The following BPNT2 variants were observed in gnomAD, a reference collection of about 807,000 sequenced individuals.
BPNT2 encodes Golgi-resident adenosine 3',5'-bisphosphate 3'-phosphatase.
In BPNT2, 11 loss-of-function variants were observed where a neutral mutation model predicts 29.3. The observed-to-expected ratio is 0.38, with a 90% CI of 0.24 to 0.62. BPNT2 has a LOEUF of 0.62. Ranked by LOEUF, BPNT2 falls within the 20% of genes least tolerant of loss-of-function variation. BPNT2 has a pLI of 0.62. For synonymous variants in BPNT2, 195 were observed against 187.7 expected, an observed-to-expected ratio of 1.04 and a Z score of -0.32; for missense variants, 459 against 473.4, an observed-to-expected ratio of 0.97 and a Z score of 0.28.
In BPNT2 at chr8:56,993,550, C is replaced by A. The variant is rs1197999194; in HGVS notation, c.36G>T (p.Gly12=). The change falls in exon 1 of 5, where the codon GGG becomes GGT. Residue 12 remains glycine, a synonymous_variant. Coordinates refer to ENST00000262644, the MANE Select transcript of BPNT2 (RefSeq NM_017813.5). ...APMGIRLSPL[G]VAVFCLLGLG... is the part of the protein sequence containing the mutation. Reference sequence around the variant, plus strand: ...GCCCCAGCAGGCAAAACACTGCCACCCCCAGTGGGGAAAGGCGGATGCCCA... The same window carrying A: ...GCCCCAGCAGGCAAAACACTGCCACACCCAGTGGGGAAAGGCGGATGCCCA... 13 of 1,483,218 alleles carry A rather than the reference C, an allele frequency of 8.8e-6. No individual in the cohort carries two copies. Among genetic ancestry groups the A allele is most frequent in the Non-Finnish European group, 1.2e-5 (13 of 1,116,074 alleles). 91.9% of individuals were successfully genotyped at this position (1,483,218 alleles called of 1,614,324 possible).
intron 1 of BPNT2, among the ~76,000 whole-genome samples, chr8:56,985,563 T>C (rs943513322): frequency 6.6e-6 from 1 of 152,150 alleles, no homozygotes; most frequent in Non-Finnish European, 1.5e-5. Flanking sequence ...AGGGTAAGCA[T>C]AAAAAGGTTC....
rs1291955594 is a variant in BPNT2, at chr8:56,958,108, G to A, written c.*5685C>T. On this transcript the variant is annotated 3_prime_UTR_variant, in exon 5 of 5. Coordinates refer to ENST00000262644, the MANE Select transcript of BPNT2 (RefSeq NM_017813.5). ...TTTAAAAACAATTTAGTATGTGGGG[G>A]GGTGATAATCATAAATATTTGCAAA... The A allele has an allele frequency of 6.6e-6, 1 of 151,900 alleles. No homozygotes were observed. The highest frequency in any genetic ancestry group is 2.4e-5 in the African/African-American group (1 of 41,318). 9.4% of individuals were successfully genotyped at this position (151,900 alleles called of 1,614,324 possible).
chr8:56,988,698 G>C (rs1806365130), intron 1 of BPNT2, among the ~76,000 whole-genome samples: 1 of 152,132 alleles, frequency 6.6e-6, no homozygotes, highest in Non-Finnish European at 1.5e-5. Context: ...TTTCAGTTCA[G>C]ATGTTTCTTC....
intron 3 of BPNT2, among the ~76,000 whole-genome samples, chr8:56,973,598 G>T (rs979083258): frequency 2.0e-5 from 3 of 152,158 alleles, no homozygotes; most frequent in African/African-American, 7.2e-5. Context: ...TCAAGATAGG[G>T]ATCTTGGAGA....
rs575099183 is a variant in BPNT2, at chr8:56,977,678, T to A, written c.646+372A>T. ...AGTAGGGTGGGCGCTGAATCCAATA[T>A]GACTGGTGTGCTTGTAAGAGGAGAA... On this transcript the variant is annotated intron_variant, in intron 3 of 4. Coordinates refer to ENST00000262644, the MANE Select transcript of BPNT2 (RefSeq NM_017813.5). 7.9e-5 allele frequency among the ~76,000 whole-genome samples: 12 copies of A among 152,246 alleles called. No individual in the cohort carries two copies. The South Asian group carries it at 2.5e-3, about 31-fold the overall frequency.
intron 3 of BPNT2, among the ~76,000 whole-genome samples, chr8:56,970,972 A>C (rs1806021372): frequency 6.6e-6 from 1 of 152,176 alleles, no homozygotes; most frequent in South Asian, 2.1e-4. Context: ...TAAGAAGTGA[A>C]TTTACAGTGC....
chr8:56,959,769 A>G lies in BPNT2; in HGVS notation c.*4024T>C, dbSNP rs987076518. ...GGTTATGCAAAAATAATTTTATTTC[A>G]ATTTAATTTTAATGAATCTCCCCCA... On this transcript the variant is annotated 3_prime_UTR_variant, in exon 5 of 5. Coordinates refer to ENST00000262644, the MANE Select transcript of BPNT2 (RefSeq NM_017813.5). 1 of 152,298 alleles carries G rather than the reference A, an allele frequency of 6.6e-6. No individual in the cohort carries two copies. The highest frequency in any genetic ancestry group is 1.9e-4 in the East Asian group (1 of 5,186). The allele number at this position is 152,298 out of a possible 1,614,324, so 9.4% of individuals were successfully genotyped here. A position where few individuals can be genotyped will look rare whatever the true frequency, so the allele number is the denominator to read the frequency against.
At chr8:56,986,021 T>C (rs927515385) in intron 1 of BPNT2, among the ~76,000 whole-genome samples, 131 of 152,328 alleles carry the variant, frequency 8.6e-4, no homozygotes, top group African/African-American at 3.1e-3. Flanking sequence ...TAGGTCACAG[T>C]CACTACATGG....
At chr8:56,971,788 C>CA (rs200324392) in intron 3 of BPNT2, among the ~76,000 whole-genome samples, 2 of 145,274 alleles carry the variant, frequency 1.4e-5, no homozygotes, top group African/African-American at 5.1e-5. Context: ...TACCACCCCC[C>CA]CCCCCACAAT....
In BPNT2 at chr8:56,961,972, T is replaced by C. The variant is rs1278500558; in HGVS notation, c.*1821A>G. ...TTTCCCTAACTTTGACATACTATAATAAAAACAGATGCTTATACCACAGGA... is the reference window on the plus strand; with the variant it reads ...TTTCCCTAACTTTGACATACTATAACAAAAACAGATGCTTATACCACAGGA... On this transcript the variant is annotated 3_prime_UTR_variant, in exon 5 of 5. Transcript: ENST00000262644. 6.6e-6 allele frequency: 1 copy of C among 152,158 alleles called. No individual in the cohort carries two copies. Among genetic ancestry groups the C allele is most frequent in the Non-Finnish European group, 1.5e-5 (1 of 68,032 alleles). 9.4% of individuals were successfully genotyped at this position (152,158 alleles called of 1,614,324 possible).
In BPNT2 at chr8:56,992,986, G is replaced by C. The variant is rs548900071; in HGVS notation, c.387+213C>G. 4.5e-3 allele frequency among the ~76,000 whole-genome samples: 684 copies of C among 152,250 alleles called. 3 individuals are homozygous for C. The highest frequency in any genetic ancestry group is 8.2e-3 in the Non-Finnish European group (556 of 68,012). The stretch of plus-strand genomic sequence containing the variant: ...TACACACGGCGCACACCCGACCCAG[G>C]ACGAGCCAAAAGGGCACGGGCCCTG... On this transcript the variant is annotated intron_variant, in intron 1 of 4. Transcript: ENST00000262644.
At chr8:56,971,782 A>ACCGCC (rs545975380) in intron 3 of BPNT2, among the ~76,000 whole-genome samples, 2 of 104,172 alleles carry the variant, frequency 1.9e-5, no homozygotes, top group South Asian at 4.0e-4. Flanking sequence ...ATTTTGTACC[A>ACCGCC]CCCCCCCCCC....
Position 56,966,337 on chromosome 8 carries a change from T to C in BPNT2, c.662A>G (p.Asp221Gly). 1.2e-6 allele frequency: 2 copies of C among 1,613,930 alleles called. No individual in the cohort carries two copies. The highest frequency in any genetic ancestry group is 8.5e-7 in the Non-Finnish European group (1 of 1,179,866). The change falls in exon 4 of 5, where the codon GAT becomes GGT. Residue 221 changes from aspartate (D) to glycine (G), a missense_variant. Transcript: ENST00000262644. ...GCGGGCTTTCACATTTGAACCACCA[T>C]CTACCATTGCCCAAGCTGAAAAGCA... ...FSEYTAWAMVDGGSNVKARSS... is the reference protein window; with the variant it reads ...FSEYTAWAMVGGGSNVKARSS...
chr8:56,958,620 T>C lies in BPNT2; in HGVS notation c.*5173A>G, dbSNP rs1468738171. 1 of 152,230 alleles carries C rather than the reference T, an allele frequency of 6.6e-6. No homozygotes were observed. The highest frequency in any genetic ancestry group is 1.9e-4 in the East Asian group (1 of 5,198). 9.4% of individuals were successfully genotyped at this position (152,230 alleles called of 1,614,324 possible). ...CAGGATGACAAAAAATAAATAAAAG[T>C]ATGAAGAGGCAAGAACATAGATTGA... On this transcript the variant is annotated 3_prime_UTR_variant, in exon 5 of 5. Transcript: ENST00000262644.
Position 56,984,450 on chromosome 8 carries a change from ATCAG to A in BPNT2, c.388-4257_388-4254del, listed in dbSNP as rs375931426. On this transcript the variant is annotated intron_variant, in intron 1 of 4. Transcript: ENST00000262644. ...AATCCTTTCTCGCGTGCCACATCGA[ATCAG>A]TCAGTAAGTCCTGGAAATTCTACCT... is the stretch of plus-strand genomic sequence containing the variant. Among the ~76,000 whole-genome samples, 10 of 152,322 alleles carry A rather than the reference ATCAG, an allele frequency of 6.6e-5. No individual in the cohort carries two copies. In the South Asian group the frequency reaches 2.1e-3, roughly 32 times the overall value.
At chr8:56,986,081 G>A (rs772922844) in intron 1 of BPNT2, among the ~76,000 whole-genome samples, 12 of 152,258 alleles carry the variant, frequency 7.9e-5, no homozygotes, top group African/African-American at 2.2e-4. Flanking sequence ...GGAGGATGTC[G>A]TTACTACAGC....
Position 56,962,201 on chromosome 8 carries a change from G to A in BPNT2, c.*1592C>T, listed in dbSNP as rs1184253995. On this transcript the variant is annotated 3_prime_UTR_variant, in exon 5 of 5. Transcript: ENST00000262644. ...TAAGGCCCAACACCTTCTCGAATTT[G>A]ACCAGTTGCAAGAGATTGGGTGAAA... 3 of 152,160 alleles carry A rather than the reference G, an allele frequency of 2.0e-5. No homozygotes were observed. Among genetic ancestry groups the A allele is most frequent in the African/African-American group, 7.2e-5 (3 of 41,428 alleles). The allele number at this position is 152,160 out of a possible 1,614,324, so 9.4% of individuals were successfully genotyped here. A position where few individuals can be genotyped will look rare whatever the true frequency, so the allele number is the denominator to read the frequency against.
intron 1 of BPNT2, among the ~76,000 whole-genome samples, chr8:56,988,122 C>A (rs1806354996): frequency 6.6e-6 from 1 of 152,188 alleles, no homozygotes; most frequent in Non-Finnish European, 1.5e-5. Context: ...CAACTATTGT[C>A]TTTCAAATAT....
chr8:56,963,852 T>C lies in BPNT2; in HGVS notation c.1021A>G (p.Met341Val). The C allele has an allele frequency of 6.2e-7, 1 of 1,614,186 alleles. No individual in the cohort carries two copies. The highest frequency in any genetic ancestry group is 8.5e-7 in the Non-Finnish European group (1 of 1,180,022). ...TTTCTGACCAGGGCCTGGTGGTTCA[T>C]TCTGATGCTAGCAAGGAGTCCCCCT... ...IEGGLLASIR[M>V]NHQALVRKLP... The change falls in exon 5 of 5, where the codon ATG (methionine) becomes GTG (valine). Residue 341 changes from methionine to valine, a missense_variant. Coordinates refer to ENST00000262644, the MANE Select transcript of BPNT2 (RefSeq NM_017813.5).
Sources: gnomAD v4.1 joint callset for allele counts (sites outside exome capture counted in the v4.1 genomes callset) on GRCh38, gnomAD v4.1.1 for gene constraint, MANE v1.5 for transcripts, NCBI Gene and HGNC (gene_info 2026-07-23, HGNC 2026-07-21) for gene names.